Variants in CDH2 observed in about 807,000 individuals in gnomAD.
The protein encoded by CDH2 is cadherin-2.
In CDH2, 17 loss-of-function variants were observed where a neutral mutation model predicts 92.0. The observed-to-expected ratio is 0.18, with a 90% CI of 0.13 to 0.28. The LOEUF (loss-of-function observed/expected upper bound fraction) is 0.28. Among genes scored for constraint, CDH2 ranks in the 10% least tolerant of loss-of-function variants. CDH2 has a pLI of 1.00. For missense variants in CDH2, 862 were observed against 1,133.1 expected (o/e 0.76, Z 3.44); for synonymous variants, 419 against 415.9 (o/e 1.01, Z -0.09).
intron 2 of CDH2, among the ~76,000 whole-genome samples, chr18:28,101,356 T>A (rs150497381): frequency 6.6e-6 from 1 of 152,128 alleles, no homozygotes; most frequent in African/African-American, 2.4e-5. Context: ...ACGACCCCTG[T>A]AGCTATTTAT....
At chr18:28,019,072 G>C (rs553791360) in intron 2 of CDH2, among the ~76,000 whole-genome samples, 1 of 151,894 alleles carries the variant, frequency 6.6e-6, no homozygotes, top group Admixed American at 6.6e-5. Context: ...CTATGTTCTC[G>C]CTCATAAGTG....
chr18:28,090,147 T>C (rs571365888), intron 2 of CDH2, among the ~76,000 whole-genome samples: 1 of 152,356 alleles, frequency 6.6e-6, no homozygotes, highest in East Asian at 1.9e-4. Context: ...AACAGAATTA[T>C]ACACAAACAC....
intron 1 of CDH2, among the ~76,000 whole-genome samples, chr18:28,153,341 G>A (rs1024709135): frequency 3.3e-5 from 5 of 152,042 alleles, no homozygotes; most frequent in African/African-American, 1.2e-4. Flanking sequence ...TCCTTAGGGG[G>A]AGCAATTTAT....
chr18:27,942,439 G>A (rs1909161756), intron 6 of CDH2, among the ~76,000 whole-genome samples: 1 of 152,152 alleles, frequency 6.6e-6, no homozygotes, highest in Non-Finnish European at 1.5e-5. Flanking sequence ...GACACAGAGA[G>A]AATGAACAAA....
At chr18:28,091,780 C>G (rs1270564843) in intron 2 of CDH2, among the ~76,000 whole-genome samples, 2 of 152,070 alleles carry the variant, frequency 1.3e-5, no homozygotes, top group African/African-American at 4.8e-5. Flanking sequence ...ATTTGATTAA[C>G]TGAGCTATTT....
At chr18:27,945,186 G>T (rs1909239505) in intron 6 of CDH2, among the ~76,000 whole-genome samples, 1 of 151,784 alleles carries the variant, frequency 6.6e-6, no homozygotes, top group Non-Finnish European at 1.5e-5. Flanking sequence ...CCTTACAGAA[G>T]TACTGACGAT....
At chr18:28,137,619 C>A (rs1453279643) in intron 2 of CDH2, among the ~76,000 whole-genome samples, 1 of 151,936 alleles carries the variant, frequency 6.6e-6, no homozygotes, top group Non-Finnish European at 1.5e-5. Context: ...AAACTGTGCT[C>A]AAATGTCCGA....
At chr18:27,993,386 C>G (rs897953115) in intron 8 of CDH2, 114 bp downstream of exon 8, 2 of 1,004,510 alleles carry the variant, frequency 2.0e-6, no homozygotes, top group Non-Finnish European at 2.9e-6. Context: ...AGCAGCCATG[C>G]TACTATTAGG....
intron 2 of CDH2, among the ~76,000 whole-genome samples, chr18:28,084,200 G>T (rs190596268): frequency 6.6e-6 from 1 of 152,234 alleles, no homozygotes; most frequent in African/African-American, 2.4e-5. Context: ...CAGGCAGTGC[G>T]TATCACTTTT....
intron 2 of CDH2, among the ~76,000 whole-genome samples, chr18:28,023,817 G>A (rs573100753): frequency 2.1e-4 from 32 of 152,090 alleles, no homozygotes; most frequent in African/African-American, 4.8e-4. Context: ...TTTGATTAAC[G>A]TTGTCACTAC....
At chr18:28,054,403 T>C (rs2014252181) in intron 2 of CDH2, among the ~76,000 whole-genome samples, 1 of 152,212 alleles carries the variant, frequency 6.6e-6, no homozygotes, top group Non-Finnish European at 1.5e-5. Flanking sequence ...ACATGCATTT[T>C]TGTTTGGAAC....
At position 28,003,018 on chromosome 18, in the gene CDH2, C is replaced by A; in HGVS notation, c.999G>T (p.Val333=). The change falls in exon 7 of 16, where the codon GTG becomes GTT. Residue 333 remains valine (V), a synonymous_variant. Coordinates refer to ENST00000269141, the MANE Select transcript of CDH2 (RefSeq NM_001792.5). The stretch of plus-strand genomic sequence containing the variant: ...TTACTTCTCGATCAAGTCCAGCTGC[C>A]ACTGTGATGATGTCACCAGTCTCAT... ...INNETGDIIT[V]AAGLDREKVQ... 1 of 1,613,740 alleles carries A rather than the reference C, an allele frequency of 6.2e-7. No individual in the cohort carries two copies. The highest frequency in any genetic ancestry group is 8.5e-7 in the Non-Finnish European group (1 of 1,179,776).
chr18:28,055,596 A>C (rs2014276710), intron 2 of CDH2, among the ~76,000 whole-genome samples: 4 of 152,184 alleles, frequency 2.6e-5, no homozygotes, highest in Non-Finnish European at 4.4e-5. Context: ...ATATGTCTGT[A>C]TGTTATATAT....
chr18:28,061,592 G>A (rs561914387), intron 2 of CDH2, among the ~76,000 whole-genome samples: 2 of 152,182 alleles, frequency 1.3e-5, no homozygotes, highest in Non-Finnish European at 2.9e-5. Flanking sequence ...CTGGGACACA[G>A]AGCACGACTC....
intron 2 of CDH2, among the ~76,000 whole-genome samples, chr18:28,053,571 T>A (rs2014234551): frequency 4.6e-5 from 7 of 152,302 alleles, no homozygotes; most frequent in Admixed American, 3.9e-4. Flanking sequence ...CTTTAGCTAG[T>A]CACTGGAAGC....
At chr18:27,953,435 A>C (rs963763502) in intron 15 of CDH2, among the ~76,000 whole-genome samples, 1 of 152,124 alleles carries the variant, frequency 6.6e-6, no homozygotes, top group Admixed American at 6.6e-5. Flanking sequence ...ATTAGTCTCC[A>C]AACAATCGTT....
intron 2 of CDH2, among the ~76,000 whole-genome samples, chr18:28,094,748 C>T (rs1471084663): frequency 2.1e-4 from 30 of 141,410 alleles, no homozygotes; most frequent in East Asian, 4.2e-4. Flanking sequence ...GAGCCGAGAT[C>T]GCACCACTGC....
chr18:28,053,530 C>T (rs966862910), intron 2 of CDH2, among the ~76,000 whole-genome samples: 2 of 152,114 alleles, frequency 1.3e-5, no homozygotes, highest in South Asian at 2.1e-4. Flanking sequence ...TGTAACAACT[C>T]GCTGAGTTTT....
At chr18:28,082,754 A>T (rs1378904357) in intron 2 of CDH2, among the ~76,000 whole-genome samples, 1 of 152,188 alleles carries the variant, frequency 6.6e-6, no homozygotes, top group Non-Finnish European at 1.5e-5. Flanking sequence ...TAATGAAAAT[A>T]TACTTTCAAA....
Sources: gnomAD v4.1 joint callset for allele counts (sites outside exome capture counted in the v4.1 genomes callset) on GRCh38, gnomAD v4.1.1 for gene constraint, MANE v1.5 for transcripts, NCBI Gene and HGNC (gene_info 2026-07-23, HGNC 2026-07-21) for gene names.